Variants in EXOC3 observed in about 807,000 individuals in gnomAD.
The protein encoded by EXOC3 is exocyst complex component 3, also known as SEC6-like 1.
EXOC3 carries 21 observed loss-of-function variants against 73.7 expected under a neutral mutation model. The observed-to-expected ratio is 0.29, with a 90% CI of 0.20 to 0.41. EXOC3 has a LOEUF of 0.41. EXOC3 is among the 10% of genes least tolerant of loss of function. The pLI, the probability that EXOC3 is intolerant of heterozygous loss-of-function variation, is 1.00. For synonymous variants in EXOC3, 410 were observed against 389.1 expected (o/e 1.05, Z -0.63); for missense variants, 842 against 985.1 (o/e 0.85, Z 1.95).
At chr5:465,068 C>T (rs764741709) in intron 10 of EXOC3, 43 bp from the exon 11 acceptor site, 12 of 1,501,902 alleles carry the variant, frequency 8.0e-6, no homozygotes, top group South Asian at 2.5e-5. Flanking sequence ...CTCCTGGCCG[C>T]CAGAGCCGTG....
At chr5:463,407 C>T (rs1385255117) in intron 9 of EXOC3, among the ~76,000 whole-genome samples, 2 of 152,216 alleles carry the variant, frequency 1.3e-5, no homozygotes, top group African/African-American at 2.4e-5. Flanking sequence ...GTGTCCTCAT[C>T]GTGAAACTAG....
chr5:464,710 T>A lies in EXOC3; in HGVS notation c.1776+298T>A, dbSNP rs572317083. ...CTCACTCCCTGAGGCCCCAGGGATTTCTTTCCGCTTCAGACCCTCCTTCCT... is the reference window on the plus strand; with the variant it reads ...CTCACTCCCTGAGGCCCCAGGGATTACTTTCCGCTTCAGACCCTCCTTCCT... On this transcript the variant is annotated intron_variant, in intron 10 of 12. Transcript: ENST00000512944. 15 of 401,892 alleles carry A rather than the reference T, an allele frequency of 3.7e-5. No individual in the cohort carries two copies. In the South Asian group the frequency reaches 3.8e-4, roughly 10 times the overall value. The allele number at this position is 401,892 out of a possible 1,614,324, so 24.9% of individuals were successfully genotyped here. A position where few individuals can be genotyped will look rare whatever the true frequency, so the allele number is the denominator to read the frequency against.
intron 3 of EXOC3, among the ~76,000 whole-genome samples, chr5:451,331 C>T (rs1355650178): frequency 3.9e-5 from 6 of 152,190 alleles, no homozygotes; most frequent in Admixed American, 2.0e-4. Context: ...GGCTTCATCT[C>T]CACTCCCTTT....
At chr5:445,353 CTTTTTTTTT>C (rs11452170) in intron 1 of EXOC3, among the ~76,000 whole-genome samples, 1 of 139,624 alleles carries the variant, frequency 7.2e-6, no homozygotes. Flanking sequence ...CTTTTTTTTT[CTTTTTTTTT>C]TTTTTGAGAC....
intron 3 of EXOC3, among the ~76,000 whole-genome samples, chr5:451,066 G>T (rs926404395): frequency 1.3e-5 from 2 of 152,136 alleles, no homozygotes; most frequent in East Asian, 1.9e-4. Flanking sequence ...TTACTGATAA[G>T]AAGGGACTTC....
At chr5:453,313 A>C in intron 3 of EXOC3, 57 bp from the exon 4 acceptor site, 12 of 1,323,570 alleles carry the variant, frequency 9.1e-6, no homozygotes, top group Non-Finnish European at 1.3e-5. Flanking sequence ...CACCGCATGC[A>C]GGCAGCCTTT....
chr5:464,738 A>G, intron 10 of EXOC3: 1 of 408,392 alleles, frequency 2.4e-6, no homozygotes, highest in South Asian at 2.7e-5. Context: ...TCCTTCCTGC[A>G]GGACCCAGGT....
chr5:446,394 G>T, intron 2 of EXOC3, 45 bp downstream of exon 2: 5 of 1,512,608 alleles, frequency 3.3e-6, no homozygotes, highest in African/African-American at 1.4e-5. Context: ...TGGGCTTCAG[G>T]TTCTTGCTTG....
At chr5:462,369 C>T (rs766908267) in intron 9 of EXOC3, 62 bp downstream of exon 9, 290 of 1,567,940 alleles carry the variant, frequency 1.8e-4, no homozygotes, top group Non-Finnish European at 6.4e-5. Context: ...CCTCACTGCC[C>T]TCTGGGACAC....
At chr5:446,484 C>A in intron 2 of EXOC3, 135 bp downstream of exon 2, 1 of 794,060 alleles carries the variant, frequency 1.3e-6, no homozygotes, top group South Asian at 1.8e-5. Flanking sequence ...TGAGCAGTTA[C>A]TTTCAGCAGT....
chr5:449,918 G>A (rs901869804), intron 3 of EXOC3, among the ~76,000 whole-genome samples: 6 of 152,134 alleles, frequency 3.9e-5, no homozygotes, highest in Admixed American at 6.5e-5. Flanking sequence ...TTTCTGATTC[G>A]TCTGCATTTT....
In EXOC3 at chr5:466,963, A is replaced by G. The variant is rs1415402728; in HGVS notation, c.*65A>G. 1.4e-6 allele frequency: 2 copies of G among 1,453,990 alleles called. No homozygotes were observed. Among genetic ancestry groups the G allele is most frequent in the South Asian group, 1.3e-5 (1 of 77,850 alleles). The allele number at this position is 1,453,990 out of a possible 1,614,324, so 90.1% of individuals were successfully genotyped here. A position where few individuals can be genotyped will look rare whatever the true frequency, so the allele number is the denominator to read the frequency against. On this transcript the variant is annotated 3_prime_UTR_variant, in exon 13 of 13. Coordinates refer to ENST00000512944, the MANE Select transcript of EXOC3 (RefSeq NM_007277.5). ...GTCCCTGCCTTTAGAAACGCGGGACAGCTGATTGCTCTCCTTGGCCACACG... is the reference window on the plus strand; with the variant it reads ...GTCCCTGCCTTTAGAAACGCGGGACGGCTGATTGCTCTCCTTGGCCACACG...
At chr5:445,083 C>T (rs1259312677) in intron 1 of EXOC3, 2 of 152,202 alleles carry the variant, frequency 1.3e-5, no homozygotes, top group East Asian at 1.9e-4. Context: ...TTTTAATATT[C>T]ATGAAGATGA....
At chr5:464,984 G>T in intron 10 of EXOC3, 127 bp from the exon 11 acceptor site, 1 of 968,598 alleles carries the variant, frequency 1.0e-6, no homozygotes, top group Non-Finnish European at 1.5e-6. Flanking sequence ...CAGAGCCGTG[G>T]CGGAGCGAGG....
intron 6 of EXOC3, among the ~76,000 whole-genome samples, 179 bp from the exon 7 acceptor site, chr5:459,180 G>GT (rs35612609): frequency 0.14 from 20,782 of 147,048 alleles, 1,825 homozygotes; most frequent in Non-Finnish European, 0.2. Context: ...TGAGAAAGTT[G>GT]TTTTTTTTTT....
chr5:447,888 C>A, intron 3 of EXOC3, 136 bp downstream of exon 3: 1 of 644,178 alleles, frequency 1.6e-6, no homozygotes, highest in Non-Finnish European at 2.7e-6. Context: ...GTCTGCTCAG[C>A]GTCTTTTTTT....
At chr5:450,450 C>A (rs1045107485) in intron 3 of EXOC3, among the ~76,000 whole-genome samples, 8 of 152,160 alleles carry the variant, frequency 5.3e-5, no homozygotes, top group African/African-American at 1.9e-4. Flanking sequence ...TAATTTGAGG[C>A]CTAATCCATG....
At chr5:444,218 T>G (rs1278464156) in intron 1 of EXOC3, among the ~76,000 whole-genome samples, 2 of 152,238 alleles carry the variant, frequency 1.3e-5, no homozygotes, top group African/African-American at 4.8e-5. Context: ...GGTCTCTGTT[T>G]ATGGTCTCTG....
rs957708346 is a variant in EXOC3 at position 456,778 on chromosome 5, G to A, written c.1047-111G>A. 2.7e-5 allele frequency: 22 copies of A among 823,592 alleles called. No homozygotes were observed. In the Admixed American group the frequency reaches 3.5e-4, roughly 13 times the overall value. The allele number at this position is 823,592 out of a possible 1,614,324, so 51.0% of individuals were successfully genotyped here. On this transcript the variant is annotated intron_variant, in intron 4 of 12. Transcript: ENST00000512944. ...GCTGTGGGCCGGCTGTGACCAGGAAGTCTCCAGGGTGGTGGACATTCATGT... is the reference window on the plus strand; with the variant it reads ...GCTGTGGGCCGGCTGTGACCAGGAAATCTCCAGGGTGGTGGACATTCATGT...
Sources: allele counts gnomAD v4.1 joint callset (sites outside exome capture counted in the v4.1 genomes callset), GRCh38; gene constraint gnomAD v4.1.1; transcripts MANE v1.5; gene names NCBI Gene and HGNC (gene_info 2026-07-23, HGNC 2026-07-21).